The following TINAG variants were observed in gnomAD, a reference collection of about 807,000 sequenced individuals.
TINAG encodes the protein tubulointerstitial nephritis antigen.
A neutral mutation model predicts 72.7 loss-of-function variants in TINAG; 83 were observed. The observed-to-expected ratio is 1.14, with a 90% confidence interval of 0.96 to 1.37. The LOEUF (loss-of-function observed/expected upper bound fraction) is 1.37. TINAG is among the 40% of genes most tolerant of loss of function. The pLI, the probability that TINAG is intolerant of heterozygous loss-of-function variation, is 0.00. For synonymous variants in TINAG, 234 were observed against 189.9 expected, an observed-to-expected ratio of 1.23 and a Z score of -1.91; for missense variants, 685 against 576.6, an observed-to-expected ratio of 1.19 and a Z score of -1.93.
chr6:54,367,162 C>T (rs1409300607), intron 9 of TINAG: 1 of 151,622 alleles, frequency 6.6e-6, no homozygotes, highest in Non-Finnish European at 1.5e-5. Context: ...TTCCCCGTAT[C>T]CTTTGAAATG....
chr6:54,365,630 C>T (rs1243961307), intron 9 of TINAG: 1 of 151,534 alleles, frequency 6.6e-6, no homozygotes, highest in African/African-American at 2.4e-5. Context: ...AGAACTCATT[C>T]AATGGCTCCA....
chr6:54,389,548 A>G (rs1005485028), intron 10 of TINAG, among the ~76,000 whole-genome samples: 1 of 152,216 alleles, frequency 6.6e-6, no homozygotes, highest in East Asian at 1.9e-4. Flanking sequence ...GCTCAGGCCT[A>G]TGTTACCTTA....
At chr6:54,361,317 A>G (rs907416714) in intron 9 of TINAG, among the ~76,000 whole-genome samples, 3 of 151,710 alleles carry the variant, frequency 2.0e-5, no homozygotes, top group African/African-American at 7.2e-5. Context: ...TGGGTAGTTT[A>G]TAAATAACAG....
chr6:54,335,218 C>T (rs541563477), intron 4 of TINAG, among the ~76,000 whole-genome samples: 5 of 152,322 alleles, frequency 3.3e-5, no homozygotes, highest in East Asian at 1.9e-4. Context: ...CAAGTTTCCA[C>T]TCACCATAGC....
At chr6:54,371,981 GTTTTTTTTTTTTTT>G (rs576340253) in intron 9 of TINAG, among the ~76,000 whole-genome samples, 6 of 71,420 alleles carry the variant, frequency 8.4e-5, no homozygotes, top group Non-Finnish European at 1.6e-4. Flanking sequence ...TTCAAGTCAT[GTTTTTTTTTTTTTT>G]TTTTTTTTTT....
At chr6:54,361,372 A>C (rs1012056976) in intron 9 of TINAG, among the ~76,000 whole-genome samples, 2 of 151,706 alleles carry the variant, frequency 1.3e-5, no homozygotes, top group African/African-American at 4.8e-5. Flanking sequence ...AGGAGGTATG[A>C]CTGGAGAGGT....
At chr6:54,341,112 A>G (rs1308354061) in intron 4 of TINAG, among the ~76,000 whole-genome samples, 1 of 152,168 alleles carries the variant, frequency 6.6e-6, no homozygotes, top group African/African-American at 2.4e-5. Context: ...CATTAAGTTG[A>G]AATTTTAAAG....
chr6:54,381,845 A>C (rs190877934), intron 10 of TINAG, among the ~76,000 whole-genome samples: 76 of 152,224 alleles, frequency 5.0e-4, no homozygotes, highest in Non-Finnish European at 1.0e-3. Context: ...TCTTTGATTA[A>C]TGTATTTAAC....
intron 9 of TINAG, among the ~76,000 whole-genome samples, chr6:54,372,749 TATATATATATATATATATATATAC>T (rs1439411028): frequency 3.4e-4 from 5 of 14,714 alleles, no homozygotes; most frequent in Non-Finnish European, 1.3e-3. Flanking sequence ...TATATATATA[TATATATATATATATATATATATAC>T]ACACACACAC....
chr6:54,339,143 T>C (rs1784939198), intron 4 of TINAG, among the ~76,000 whole-genome samples: 1 of 152,200 alleles, frequency 6.6e-6, no homozygotes, highest in African/African-American at 2.4e-5. Context: ...CTAGCAACTT[T>C]AATGGCAATT....
At chr6:54,355,052 T>C (rs183870826) in intron 9 of TINAG, among the ~76,000 whole-genome samples, 1 of 152,018 alleles carries the variant, frequency 6.6e-6, no homozygotes, top group African/African-American at 2.4e-5. Context: ...ATAAGGTTAC[T>C]TTATATTTAT....
At chr6:54,329,722 G>A (rs904305088) in intron 4 of TINAG, among the ~76,000 whole-genome samples, 9 of 152,016 alleles carry the variant, frequency 5.9e-5, no homozygotes, top group African/African-American at 2.2e-4. Flanking sequence ...CTGTATTCAG[G>A]AGACCCATCT....
intron 3 of TINAG, among the ~76,000 whole-genome samples, chr6:54,323,667 A>G (rs1016907853): frequency 3.3e-5 from 5 of 152,210 alleles, no homozygotes; most frequent in African/African-American, 1.2e-4. Context: ...CAAATAAATC[A>G]TTTTGGCCTG....
Position 54,308,547 on chromosome 6 carries a change from G to A in TINAG, c.-4G>A. On this transcript the variant is annotated 5_prime_UTR_variant, in exon 1 of 11. Transcript: ENST00000259782. ...AAGTGGAAGCTATACCTGACTTCCAGAGAATGTGGACCGGATATAAGATCT... is the reference window on the plus strand; with the variant it reads ...AAGTGGAAGCTATACCTGACTTCCAAAGAATGTGGACCGGATATAAGATCT... 6.2e-7 allele frequency: 1 copy of A among 1,604,748 alleles called. No individual in the cohort carries two copies. The highest frequency in any genetic ancestry group is 8.5e-7 in the Non-Finnish European group (1 of 1,175,936).
intron 9 of TINAG, 41 bp from the exon 10 acceptor site, chr6:54,380,485 A>G: frequency 6.4e-7 from 1 of 1,566,852 alleles, no homozygotes; most frequent in Non-Finnish European, 8.7e-7. Context: ...CAAACCAAAC[A>G]TTTTAACCAT....
At chr6:54,369,960 C>G (rs1763555249) in intron 9 of TINAG, 1 of 151,678 alleles carries the variant, frequency 6.6e-6, no homozygotes. Flanking sequence ...TATCAGAAAA[C>G]TAAAAAGAAA....
chr6:54,342,446 G>A (rs760757038), intron 4 of TINAG, among the ~76,000 whole-genome samples: 3 of 150,406 alleles, frequency 2.0e-5, no homozygotes, highest in Non-Finnish European at 4.4e-5. Context: ...GCAACCTCTT[G>A]CAATTTCCAC....
intron 6 of TINAG, among the ~76,000 whole-genome samples, chr6:54,348,416 G>A (rs567027900): frequency 6.6e-6 from 1 of 152,110 alleles, no homozygotes; most frequent in South Asian, 2.1e-4. Context: ...ATTGAGACCT[G>A]ACTAAATCTC....
At chr6:54,385,851 A>G (rs1011798186) in intron 10 of TINAG, among the ~76,000 whole-genome samples, 2 of 150,844 alleles carry the variant, frequency 1.3e-5, no homozygotes. Flanking sequence ...TCATCAAATT[A>G]TAAGAGTCAA....
Sources: gnomAD v4.1 joint callset for allele counts (sites outside exome capture counted in the v4.1 genomes callset) on GRCh38, gnomAD v4.1.1 for gene constraint, MANE v1.5 for transcripts, NCBI Gene and HGNC (gene_info 2026-07-23, HGNC 2026-07-21) for gene names.